DNAH14: variants seen among roughly 807,000 people sequenced by gnomAD.
DNAH14 encodes axonemal beta dynein heavy chain 14.
Under a neutral mutation model 520.9 loss-of-function variants are expected in DNAH14, and 478 were observed. The ratio of observed to expected loss-of-function variants is 0.92; its 90% CI spans 0.85 to 0.99. The LOEUF (loss-of-function observed/expected upper bound fraction) is 0.99. DNAH14 is among the 50% of genes least tolerant of loss of function. DNAH14 has a pLI of 0.00. For synonymous variants in DNAH14, 1,581 were observed against 1,757.2 expected, an observed-to-expected ratio of 0.90 and a Z score of 2.51; for missense variants, 4,831 against 5,234.5, an observed-to-expected ratio of 0.92 and a Z score of 2.38.
intron 36 of DNAH14, among the ~76,000 whole-genome samples, chr1:225,171,309 C>T (rs2082624230): frequency 6.6e-6 from 1 of 151,918 alleles, no homozygotes; most frequent in African/African-American, 2.4e-5. Flanking sequence ...AAACACCCTT[C>T]AAAAAATCAG....
chr1:225,235,366 C>A (rs1433890541), intron 42 of DNAH14, among the ~76,000 whole-genome samples: 2 of 152,084 alleles, frequency 1.3e-5, no homozygotes, highest in East Asian at 1.9e-4. Context: ...TATTTTGAAC[C>A]AACCTTACAT....
intron 27 of DNAH14, among the ~76,000 whole-genome samples, chr1:225,128,422 A>C (rs1177871997): frequency 1.3e-5 from 2 of 152,154 alleles, no homozygotes; most frequent in Non-Finnish European, 2.9e-5. Context: ...CCTCAATAAA[A>C]TACTGGCAAA....
chr1:225,285,563 T>G (rs529940182), intron 54 of DNAH14, among the ~76,000 whole-genome samples: 20 of 140,832 alleles, frequency 1.4e-4, no homozygotes, highest in African/African-American at 2.9e-4. Context: ...AAAAGAAAAA[T>G]AAACAGATGC....
intron 35 of DNAH14, among the ~76,000 whole-genome samples, chr1:225,161,268 C>G (rs2081498242): frequency 6.6e-6 from 1 of 152,154 alleles, no homozygotes; most frequent in Admixed American, 6.5e-5. Context: ...TGAGAGCATG[C>G]AATGTTTGTG....
intron 80 of DNAH14, among the ~76,000 whole-genome samples, chr1:225,380,788 A>C (rs918455247): frequency 6.6e-6 from 1 of 152,218 alleles, no homozygotes; most frequent in Non-Finnish European, 1.5e-5. Context: ...TAAGTGGCTA[A>C]ATTGCTAGAC....
At chr1:225,006,743 C>A (rs546946003) in intron 9 of DNAH14, among the ~76,000 whole-genome samples, 2 of 152,160 alleles carry the variant, frequency 1.3e-5, no homozygotes, top group African/African-American at 4.8e-5. Context: ...TTTGCCCTGG[C>A]CTTGTGATCT....
At chr1:225,355,493 AC>A (rs1260546964) in intron 73 of DNAH14, among the ~76,000 whole-genome samples, 1 of 151,722 alleles carries the variant, frequency 6.6e-6, no homozygotes, top group Non-Finnish European at 1.5e-5. Context: ...ACCTAATCTC[AC>A]CCCGAGGGCA....
At chr1:225,236,742 T>C (rs777436486) in intron 42 of DNAH14, among the ~76,000 whole-genome samples, 1 of 152,164 alleles carries the variant, frequency 6.6e-6, no homozygotes, top group Non-Finnish European at 1.5e-5. Context: ...ATAGCATTGA[T>C]CTATAAATTG....
intron 81 of DNAH14, among the ~76,000 whole-genome samples, chr1:225,384,891 A>G (rs1240727146): frequency 6.6e-6 from 1 of 152,232 alleles, no homozygotes; most frequent in African/African-American, 2.4e-5. Context: ...GGCCAACATC[A>G]TCCTGATACC....
intron 8 of DNAH14, 76 bp from the exon 9 acceptor site, chr1:225,002,707 C>A: frequency 7.3e-7 from 1 of 1,362,728 alleles, no homozygotes; most frequent in Non-Finnish European, 1.0e-6. Context: ...ATTAACTAAA[C>A]CACACTACTT....
chr1:225,185,400 T>C lies in DNAH14; in HGVS notation c.5645T>C (p.Val1882Ala). 10 of 1,535,428 alleles carry C rather than the reference T, an allele frequency of 6.5e-6. No homozygotes were observed. The highest frequency in any genetic ancestry group is 7.0e-6 in the Non-Finnish European group (8 of 1,141,490). Residue 1882 changes from valine to alanine, a missense_variant, in exon 37 of 86, where the codon GTT becomes GCT. Physicochemically the swap from Val to Ala is moderately conservative, Grantham distance 64 (BLOSUM62 0). Transcript: ENST00000682510. Reference protein sequence around the residue: ...TLLPIADFLSVAERKSASKIS... With the variant: ...TLLPIADFLSAAERKSASKIS... The stretch of plus-strand genomic sequence containing the variant: ...TTACCAATTGCAGACTTCTTATCAG[T>C]TGCAGAAAGAAAATCTGCTTCAAAG...
At chr1:225,295,371 A>G (rs2093985128) in intron 55 of DNAH14, among the ~76,000 whole-genome samples, 1 of 151,834 alleles carries the variant, frequency 6.6e-6, no homozygotes, top group African/African-American at 2.4e-5. Flanking sequence ...TTTCTTTTTT[A>G]TGTAGGCATT....
At chr1:225,163,479 A>T (rs780660835) in intron 35 of DNAH14, among the ~76,000 whole-genome samples, 2 of 152,150 alleles carry the variant, frequency 1.3e-5, no homozygotes, top group Non-Finnish European at 2.9e-5. Context: ...ATTTAGTGTG[A>T]TACTAGCTGT....
chr1:225,298,982 G>A (rs1048665543), intron 55 of DNAH14, among the ~76,000 whole-genome samples: 1 of 152,166 alleles, frequency 6.6e-6, no homozygotes, highest in African/African-American at 2.4e-5. Context: ...TTGCCCTCCT[G>A]GGCTTCCAGT....
chr1:225,219,722 CAGAGGTACAA>C (rs1315766729), intron 41 of DNAH14, among the ~76,000 whole-genome samples: 3 of 152,260 alleles, frequency 2.0e-5, no homozygotes, highest in Middle Eastern at 3.4e-3. Flanking sequence ...TGAATTCTAC[CAGAGGTACAA>C]AGAGGAGCTA....
In DNAH14 at chr1:225,106,907, G is replaced by T. The variant is rs1480644731; in HGVS notation, c.3867+6023G>T. Among the ~76,000 whole-genome samples the T allele has an allele frequency of 3.9e-5, 6 of 152,250 alleles. No individual in the cohort carries two copies. The East Asian group carries it at 1.2e-3, about 29-fold the overall frequency. On this transcript the variant is annotated intron_variant, in intron 23 of 85. Coordinates refer to ENST00000682510, the MANE Select transcript of DNAH14 (RefSeq NM_001367479.1). ...TCAAAGTCATTCTCCATCCAGCATT[G>T]TTCCGTTGCTGGTGAGGAGCTGCGT...
intron 26 of DNAH14, among the ~76,000 whole-genome samples, chr1:225,121,918 C>T (rs2077329589): frequency 6.6e-6 from 1 of 151,628 alleles, no homozygotes; most frequent in Admixed American, 6.6e-5. Context: ...AGAGAATGTA[C>T]AAGTACATTC....
chr1:225,217,032 GT>G (rs1210863533), intron 41 of DNAH14, among the ~76,000 whole-genome samples: 2 of 152,142 alleles, frequency 1.3e-5, no homozygotes, highest in African/African-American at 4.8e-5. Flanking sequence ...CTCGTTTGTG[GT>G]TTTATCTACC....
chr1:225,311,147 G>T (rs1574683009), intron 60 of DNAH14, among the ~76,000 whole-genome samples: 1 of 152,214 alleles, frequency 6.6e-6, no homozygotes, highest in Non-Finnish European at 1.5e-5. Flanking sequence ...ATTCTAACTG[G>T]CATGAGATGG....
Sources: gnomAD v4.1 joint callset for allele counts (sites outside exome capture counted in the v4.1 genomes callset) on GRCh38, gnomAD v4.1.1 for gene constraint, MANE v1.5 for transcripts, NCBI Gene and HGNC (gene_info 2026-07-23, HGNC 2026-07-21) for gene names.